BET1: variants seen among roughly 807,000 people sequenced by gnomAD.
The protein encoded by BET1 is Bet1 golgi vesicular membrane trafficking protein.
In BET1, 9 loss-of-function variants were observed where a neutral mutation model predicts 13.9. That is an observed-to-expected ratio of 0.65 (90% confidence interval 0.39 to 1.13). BET1 has a LOEUF of 1.13. Among genes scored for constraint, BET1 ranks in the 50% most tolerant of loss-of-function variants. The probability of loss-of-function intolerance (pLI) is 0.01; values close to 1 mark genes in which losing one functional copy is unlikely to be tolerated. For synonymous variants in BET1, 39 were observed against 47.3 expected, an observed-to-expected ratio of 0.82 and a Z score of 0.72; for missense variants, 127 against 133.6, an observed-to-expected ratio of 0.95 and a Z score of 0.24.
intron 4 of BET1, among the ~76,000 whole-genome samples, chr7:93,978,244 T>A (rs369503798): frequency 1.3e-5 from 2 of 152,228 alleles, no homozygotes; most frequent in African/African-American, 4.8e-5. Flanking sequence ...TAATTTTGTA[T>A]TTTTTTGTCG....
chr7:93,998,647 C>G (rs1228102146), intron 2 of BET1, among the ~76,000 whole-genome samples: 1 of 150,726 alleles, frequency 6.6e-6, no homozygotes, highest in African/African-American at 2.4e-5. Context: ...TGCAGTGAGC[C>G]AAAACTGCAC....
chr7:93,969,867 T>C (rs900409902), intron 6 of BET1, among the ~76,000 whole-genome samples: 1 of 151,836 alleles, frequency 6.6e-6, no homozygotes, highest in Non-Finnish European at 1.5e-5. Context: ...ATGCCCTACT[T>C]GGTCTCATTG....
Position 93,993,625 on chromosome 7 carries a change from T to C in BET1, c.*605A>G. The C allele has an allele frequency of 7.9e-7, 1 of 1,263,406 alleles. No homozygotes were observed. Among genetic ancestry groups the C allele is most frequent in the Non-Finnish European group, 9.9e-7 (1 of 1,006,008 alleles). 78.3% of individuals were successfully genotyped at this position (1,263,406 alleles called of 1,614,324 possible). On this transcript the variant is annotated 3_prime_UTR_variant, in exon 4 of 4. Transcript: ENST00000222547. The stretch of plus-strand genomic sequence containing the variant: ...CATGTGCAATGGGCCCTACCAGAAA[T>C]ATGCCAAAATAACAAGTTTTATTTA...
intron 2 of BET1, among the ~76,000 whole-genome samples, chr7:93,996,849 T>C (rs191360379): frequency 3.6e-4 from 54 of 151,938 alleles, no homozygotes; most frequent in Non-Finnish European, 5.3e-4. Context: ...TACCCAACCT[T>C]ATTACATTTT....
rs568173143 is a variant in BET1 at position 93,987,070 on chromosome 7, G to A, written c.235+7282C>T. 2.7e-5 allele frequency: 4 copies of A among 150,374 alleles called. No homozygotes were observed. In the South Asian group the frequency reaches 8.4e-4, roughly 32 times the overall value. The allele number at this position is 150,374 out of a possible 1,614,324, so 9.3% of individuals were successfully genotyped here. ...CACCTAACAATGCATTTCTCAGAAT[G>A]TGTTTCTGAAACAGACATAGAAAAA... On this transcript the variant is annotated intron_variant and NMD_transcript_variant, in intron 4 of 6. Coordinates refer to the BET1 transcript ENST00000357520.
chr7:93,989,076 C>T (rs962441472), downstream of BET1, among the ~76,000 whole-genome samples: 3 of 151,058 alleles, frequency 2.0e-5, no homozygotes, highest in South Asian at 4.2e-4. Flanking sequence ...TGCAGTGGTG[C>T]GATCTCGGCT....
rs988647202 is a variant in BET1, at chr7:94,004,140, G to A, written c.19+58C>T. 1.2e-5 allele frequency: 19 copies of A among 1,613,164 alleles called. 1 individual carries two copies. In the South Asian group the frequency reaches 1.3e-4, roughly 11 times the overall value. On this transcript the variant is annotated intron_variant, in intron 1 of 3. Transcript: ENST00000222547. ...CATAAGACAGGTTCGATTTCCTCCC[G>A]CGCCCCAGCGCTCCCGGTTCTAGGG...
intron 4 of BET1, among the ~76,000 whole-genome samples, chr7:93,987,706 T>C (rs1795553211): frequency 6.6e-6 from 1 of 152,158 alleles, no homozygotes; most frequent in Non-Finnish European, 1.5e-5. Flanking sequence ...CAAGGCTATA[T>C]TCTGAGTTTA....
chr7:93,963,775 A>T (rs966252816), exon 7 of BET1: 14 of 152,060 alleles, frequency 9.2e-5, no homozygotes, highest in African/African-American at 3.4e-4. Context: ...GTCAAGAATT[A>T]GACTTTAAAA....
intron 1 of BET1, among the ~76,000 whole-genome samples, chr7:94,003,327 AAAT>A (rs1795954345): frequency 1.3e-5 from 2 of 152,108 alleles, no homozygotes; most frequent in Admixed American, 1.3e-4. Flanking sequence ...CACTGACTTT[AAAT>A]ATCTGACACT....
At chr7:93,990,213 T>C (rs765739126), downstream of BET1, among the ~76,000 whole-genome samples, 55 of 152,148 alleles carry the variant, frequency 3.6e-4, no homozygotes, top group African/African-American at 1.3e-3. Context: ...TTTTCTGAAA[T>C]ACAAATTACC....
At chr7:93,970,914 C>A (rs1414836702) in intron 6 of BET1, among the ~76,000 whole-genome samples, 1 of 151,700 alleles carries the variant, frequency 6.6e-6, no homozygotes, top group Admixed American at 6.6e-5. Context: ...ACATAGAAAT[C>A]TTGGAAAAGA....
rs180983439 is a variant in BET1 at position 93,978,499 on chromosome 7, A to C, written c.236-2399T>G. 2.7e-3 allele frequency among the ~76,000 whole-genome samples: 406 copies of C among 152,124 alleles called. 2 individuals carry two copies. The highest frequency in any genetic ancestry group is 9.2e-3 in the African/African-American group (380 of 41,500). ...CCACGTTTCATTTCCCCCTTGATGC[A>C]TTTCTCATTACATTATCATACATTG... is the stretch of plus-strand genomic sequence containing the variant. On this transcript the variant is annotated intron_variant and NMD_transcript_variant, in intron 4 of 6. Transcript: ENST00000357520.
chr7:94,002,014 T>G (rs1328314903), intron 1 of BET1, among the ~76,000 whole-genome samples: 1 of 152,192 alleles, frequency 6.6e-6, no homozygotes, highest in Non-Finnish European at 1.5e-5. Context: ...GAGTTGATCT[T>G]CCCTCAAACT....
At chr7:93,963,693 A>G (rs1795132925) in exon 7 of BET1, 1 of 152,052 alleles carries the variant, frequency 6.6e-6, no homozygotes, top group Non-Finnish European at 1.5e-5. Flanking sequence ...AAGAAAAGTC[A>G]CCTGAGCCTG....
At chr7:94,003,971 C>T in intron 1 of BET1, among the ~76,000 whole-genome samples, 1 of 152,108 alleles carries the variant, frequency 6.6e-6, no homozygotes, top group African/African-American at 2.4e-5. Context: ...TAGTCCACTA[C>T]TTTCTCTAGC....
At chr7:93,968,561 TTTATA>T (rs1795211029) in intron 6 of BET1, among the ~76,000 whole-genome samples, 1 of 151,808 alleles carries the variant, frequency 6.6e-6, no homozygotes, top group Admixed American at 6.6e-5. Context: ...ATTTGTATGC[TTTATA>T]ATAATCCTCA....
intron 5 of BET1, among the ~76,000 whole-genome samples, chr7:93,973,227 T>C (rs1049662529): frequency 2.0e-5 from 3 of 151,956 alleles, no homozygotes; most frequent in Non-Finnish European, 4.4e-5. Flanking sequence ...TTGTCCACAG[T>C]ATGGAACAAG....
exon 7 of BET1, chr7:93,963,265 C>G (rs1385536778): frequency 1.9e-4 from 29 of 151,966 alleles, no homozygotes; most frequent in Admixed American, 1.9e-3. Flanking sequence ...ACTGCATAGC[C>G]CCAAGAACCA....
Sources: allele counts gnomAD v4.1 joint callset (sites outside exome capture counted in the v4.1 genomes callset), GRCh38; gene constraint gnomAD v4.1.1; transcripts MANE v1.5; gene names NCBI Gene and HGNC (gene_info 2026-07-23, HGNC 2026-07-21).